Variants in GABRB3 observed in about 807,000 individuals in gnomAD.
GABRB3 encodes gamma-aminobutyric acid receptor subunit beta-3.
A neutral mutation model predicts 52.1 loss-of-function variants in GABRB3; 14 were observed. That is an observed-to-expected ratio of 0.27 (90% CI 0.18 to 0.42). The LOEUF (loss-of-function observed/expected upper bound fraction) is 0.42, where lower values mean the gene tolerates loss of function less well. GABRB3 is among the 10% of genes least tolerant of loss of function. GABRB3 has a pLI of 1.00. For synonymous variants in GABRB3, 260 were observed against 232.3 expected, an observed-to-expected ratio of 1.12 and a Z score of -1.08; for missense variants, 307 against 609.1, an observed-to-expected ratio of 0.50 and a Z score of 5.22.
intron 3 of GABRB3, among the ~76,000 whole-genome samples, chr15:26,639,594 T>C (rs1001735964): frequency 6.6e-6 from 1 of 152,184 alleles, no homozygotes; most frequent in Non-Finnish European, 1.5e-5. Context: ...AACCAATCCT[T>C]CAAGGATATG....
At chr15:26,642,628 C>G (rs1893233152) in intron 3 of GABRB3, 1 of 578,752 alleles carries the variant, frequency 1.7e-6, no homozygotes, top group Non-Finnish European at 2.9e-6. Flanking sequence ...CTCCTCTCTA[C>G]CTGCATATAT....
At chr15:26,575,087 A>G (rs1364539112) in intron 6 of GABRB3, among the ~76,000 whole-genome samples, 3 of 152,130 alleles carry the variant, frequency 2.0e-5, no homozygotes, top group Admixed American at 2.0e-4. Context: ...CAGAGATTTC[A>G]CCATTGAGCA....
intron 3 of GABRB3, among the ~76,000 whole-genome samples, chr15:26,760,852 A>G (rs1165541083): frequency 4.3e-5 from 6 of 139,710 alleles, no homozygotes; most frequent in Admixed American, 1.4e-4. Flanking sequence ...AACCCACCAC[A>G]ATTAATTAAT....
chr15:26,607,483 G>A (rs1891880778), intron 4 of GABRB3, among the ~76,000 whole-genome samples: 1 of 151,992 alleles, frequency 6.6e-6, no homozygotes, highest in Non-Finnish European at 1.5e-5. Context: ...GAGGTGGGCA[G>A]ATCCTGTGTG....
At chr15:26,653,610 C>G (rs1424881832) in intron 3 of GABRB3, among the ~76,000 whole-genome samples, 1 of 152,172 alleles carries the variant, frequency 6.6e-6, no homozygotes, top group Admixed American at 6.5e-5. Flanking sequence ...GCTGGCTCTG[C>G]ATGAGTTAAA....
At chr15:26,767,051 T>C (rs1891016999) in intron 3 of GABRB3, 2 of 152,220 alleles carry the variant, frequency 1.3e-5, no homozygotes, top group Admixed American at 1.3e-4. Flanking sequence ...TGAAGTTCAT[T>C]ATATGCTTTC....
At chr15:26,641,846 T>G (rs900964121) in intron 3 of GABRB3, among the ~76,000 whole-genome samples, 2 of 151,974 alleles carry the variant, frequency 1.3e-5, no homozygotes, top group East Asian at 3.9e-4. Context: ...AGGTTTGAAC[T>G]GTAGGGGCCC....
chr15:26,685,152 ACCACGGGG>A (rs2140654758), intron 3 of GABRB3, among the ~76,000 whole-genome samples: 1 of 152,230 alleles, frequency 6.6e-6, no homozygotes, highest in African/African-American at 2.4e-5. Context: ...AAGTGAATTA[ACCACGGGG>A]CTTTGGTGGC....
intron 3 of GABRB3, among the ~76,000 whole-genome samples, chr15:26,766,479 T>C (rs1891000769): frequency 6.6e-6 from 1 of 152,198 alleles, no homozygotes; most frequent in Admixed American, 6.5e-5. Context: ...ATGCATTTCA[T>C]TAAAAGAACA....
chr15:26,716,937 C>T (rs1221307481), intron 3 of GABRB3, among the ~76,000 whole-genome samples: 10 of 126,228 alleles, frequency 7.9e-5, no homozygotes, highest in South Asian at 2.8e-4. Context: ...CTCCACCCAA[C>T]CACAGCCCAG....
At chr15:26,773,720 C>A, upstream of GABRB3, 1 of 1,566,546 alleles carries the variant, frequency 6.4e-7, no homozygotes, top group Non-Finnish European at 8.6e-7. Flanking sequence ...GAGCCCGGAG[C>A]ACATGGCGCT....
upstream of GABRB3, chr15:26,773,601 C>T: frequency 6.7e-7 from 1 of 1,498,038 alleles, no homozygotes; most frequent in Non-Finnish European, 9.1e-7. Flanking sequence ...CGGGCCGCCG[C>T]CTCCCGACGG....
chr15:26,583,201 TTC>T (rs1452217573), intron 5 of GABRB3, 129 bp downstream of exon 5: 8 of 728,278 alleles, frequency 1.1e-5, no homozygotes, highest in African/African-American at 3.5e-5. Flanking sequence ...CTCTCTGTGT[TTC>T]TCTCTCTGTG....
chr15:26,722,675 C>T (rs1889672737), intron 3 of GABRB3, among the ~76,000 whole-genome samples: 1 of 152,156 alleles, frequency 6.6e-6, no homozygotes, highest in African/African-American at 2.4e-5. Context: ...GAAACCAAGG[C>T]CCAAGGCAAA....
chr15:26,563,013 A>C (rs1890045263), intron 7 of GABRB3, among the ~76,000 whole-genome samples: 1 of 152,224 alleles, frequency 6.6e-6, no homozygotes, highest in African/African-American at 2.4e-5. Context: ...TGAAAACACC[A>C]CATAAATGCT....
intron 3 of GABRB3, among the ~76,000 whole-genome samples, chr15:26,757,966 C>T (rs1595350924): frequency 6.6e-6 from 1 of 152,276 alleles, no homozygotes; most frequent in East Asian, 1.9e-4. Context: ...CTCTTCTCTA[C>T]CATCTCAACG....
intron 3 of GABRB3, among the ~76,000 whole-genome samples, chr15:26,644,002 C>T (rs911973723): frequency 1.4e-4 from 22 of 152,060 alleles, no homozygotes; most frequent in Non-Finnish European, 2.8e-4. Context: ...TGAGAAGTGA[C>T]AGGGAGTTGG....
chr15:26,650,619 A>G (rs1240448078), intron 3 of GABRB3, among the ~76,000 whole-genome samples: 2 of 152,006 alleles, frequency 1.3e-5, no homozygotes, highest in African/African-American at 4.8e-5. Context: ...AAATCCTCAG[A>G]CTGGATTGAG....
chr15:26,761,842 T>G (rs887294211), intron 3 of GABRB3, among the ~76,000 whole-genome samples: 1 of 152,140 alleles, frequency 6.6e-6, no homozygotes, highest in Non-Finnish European at 1.5e-5. Context: ...ATTTATTTAT[T>G]TATTTATTTA....
Sources: allele counts gnomAD v4.1 joint callset (sites outside exome capture counted in the v4.1 genomes callset), GRCh38; gene constraint gnomAD v4.1.1; transcripts MANE v1.5; gene names NCBI Gene and HGNC (gene_info 2026-07-23, HGNC 2026-07-21).